Variants in MALRD1 observed in about 807,000 individuals in gnomAD.
The protein encoded by MALRD1 is MAM and LDL-receptor class A domain-containing protein 1.
Under a neutral mutation model 242.1 loss-of-function variants are expected in MALRD1, and 247 were observed. The ratio of observed to expected loss-of-function variants is 1.02; its 90% CI spans 0.92 to 1.13. The LOEUF (loss-of-function observed/expected upper bound fraction) is 1.13, where lower values mean the gene tolerates loss of function less well. Ranked by LOEUF, MALRD1 falls within the 50% of genes most tolerant of loss-of-function variation. The pLI is 0.00. For synonymous variants in MALRD1, 995 were observed against 866.6 expected, an observed-to-expected ratio of 1.15 and a Z score of -2.60; for missense variants, 2,989 against 2,533.1, an observed-to-expected ratio of 1.18 and a Z score of -3.86.
chr10:19,516,581 GATTTTTTC>G (rs1833635855), intron 31 of MALRD1, among the ~76,000 whole-genome samples: 1 of 151,938 alleles, frequency 6.6e-6, no homozygotes, highest in Admixed American at 6.6e-5. Flanking sequence ...AAACTTTTAA[GATTTTTTC>G]ATTTGTTCAA....
intron 36 of MALRD1, among the ~76,000 whole-genome samples, chr10:19,659,072 T>C (rs936494852): frequency 7.2e-5 from 11 of 152,220 alleles, no homozygotes; most frequent in Non-Finnish European, 1.3e-4. Flanking sequence ...CTTTTTGCTC[T>C]TTAGCCATCA....
At chr10:19,194,167 C>A (rs558759397) in intron 14 of MALRD1, among the ~76,000 whole-genome samples, 1 of 152,068 alleles carries the variant, frequency 6.6e-6, no homozygotes, top group African/African-American at 2.4e-5. Context: ...TACAATTTCA[C>A]GTTTCAAACG....
rs944300795 is a variant in MALRD1, at chr10:19,638,142, C to T, written c.6137+22219C>T. On this transcript the variant is annotated intron_variant, in intron 36 of 39. Transcript: ENST00000454679. Reference sequence around the variant, plus strand: ...AAAAAAAAAAAATAGAATTCGGTACCCATGGCAAAACTATCCATGCTAATT... The same window carrying T: ...AAAAAAAAAAAATAGAATTCGGTACTCATGGCAAAACTATCCATGCTAATT... Among the ~76,000 whole-genome samples the T allele has an allele frequency of 5.4e-5, 8 of 149,370 alleles. No individual in the cohort carries two copies. The South Asian group carries it at 1.1e-3, about 20-fold the overall frequency.
intron 8 of MALRD1, among the ~76,000 whole-genome samples, chr10:19,129,445 A>G (rs1837384055): frequency 6.6e-6 from 1 of 152,124 alleles, no homozygotes; most frequent in Non-Finnish European, 1.5e-5. Flanking sequence ...TCTAGGAACC[A>G]AAATGCGTTC....
intron 29 of MALRD1, 92 bp downstream of exon 29, chr10:19,450,582 T>C (rs1835268574): frequency 1.7e-6 from 2 of 1,147,644 alleles, no homozygotes; most frequent in South Asian, 1.6e-5. Context: ...TTTACTGTTA[T>C]GTATTTTGTA....
chr10:19,435,511 G>C (rs1459786735), intron 28 of MALRD1, among the ~76,000 whole-genome samples: 1 of 151,930 alleles, frequency 6.6e-6, no homozygotes, highest in African/African-American at 2.4e-5. Context: ...GAGTTTTAAG[G>C]CATACTGATC....
intron 36 of MALRD1, among the ~76,000 whole-genome samples, chr10:19,617,561 T>C (rs963422389): frequency 1.3e-5 from 2 of 152,036 alleles, no homozygotes; most frequent in Non-Finnish European, 2.9e-5. Flanking sequence ...TAAAATTACG[T>C]ACTAAAAAAG....
At chr10:19,498,785 T>C in intron 31 of MALRD1, 139 bp downstream of exon 31, 1 of 1,014,294 alleles carries the variant, frequency 9.9e-7, no homozygotes, top group Non-Finnish European at 1.4e-6. Context: ...AGAGGGCTAG[T>C]CTCTTCTATT....
chr10:19,199,966 A>T (rs1235567104), intron 14 of MALRD1, among the ~76,000 whole-genome samples: 1 of 151,820 alleles, frequency 6.6e-6, no homozygotes, highest in Non-Finnish European at 1.5e-5. Flanking sequence ...TCTCAACAAA[A>T]TTTTTTAAAA....
intron 14 of MALRD1, among the ~76,000 whole-genome samples, chr10:19,200,619 T>C (rs76156132): frequency 0.062 from 9,312 of 149,188 alleles, 325 homozygotes; most frequent in African/African-American, 0.088. Context: ...GATTCTGGGC[T>C]TTTTTTTTCT....
chr10:19,567,579 T>G lies in MALRD1; in HGVS notation c.5556T>G (p.Tyr1852Ter), dbSNP rs966289968. Reference protein sequence around the residue: ...VIGNKRTGWTYGSVPLSSNSP... With the variant: ...VIGNKRTGWT ...GAAATAAAAGAACGGGATGGACATA[T>G]GGCTCTGTGCCTCTCTCCAGTAACA... The change falls in exon 33 of 40, where the codon TAT (tyrosine) becomes TAG (stop). Residue 1852 changes from tyrosine to a stop codon, truncating the protein, a stop_gained. Coordinates refer to ENST00000454679, the MANE Select transcript of MALRD1 (RefSeq NM_001142308.3). LOFTEE classifies it high-confidence loss of function. The G allele has an allele frequency of 8.4e-6, 13 of 1,550,560 alleles. No homozygotes were observed. The highest frequency in any genetic ancestry group is 1.1e-5 in the Non-Finnish European group (13 of 1,146,948).
Position 19,530,272 on chromosome 10 carries a change from T to G in MALRD1, c.5321-922T>G, listed in dbSNP as rs1484561751. 2.0e-5 allele frequency among the ~76,000 whole-genome samples: 3 copies of G among 147,558 alleles called. No homozygotes were observed. In the East Asian group the frequency reaches 5.8e-4, roughly 29 times the overall value. On this transcript the variant is annotated intron_variant, in intron 31 of 39. Coordinates refer to ENST00000454679, the MANE Select transcript of MALRD1 (RefSeq NM_001142308.3). ...TAAAATTGCTCTAAAAAATTGTGTA[T>G]TCATTTTTGTCATCTATATTTTGAA... is the stretch of plus-strand genomic sequence containing the variant.
At chr10:19,539,897 T>TGTGTGTGTGTGTGCGC (rs1365113182) in intron 32 of MALRD1, among the ~76,000 whole-genome samples, 8 of 44,432 alleles carry the variant, frequency 1.8e-4, no homozygotes, top group East Asian at 7.8e-4. Context: ...TGTGTGTGTG[T>TGTGTGTGTGTGTGCGC]GCGCGCGCGC....
intron 38 of MALRD1, among the ~76,000 whole-genome samples, chr10:19,715,828 G>A (rs1262270435): frequency 6.6e-6 from 1 of 152,082 alleles, no homozygotes; most frequent in Non-Finnish European, 1.5e-5. Context: ...AGAGGGAGGA[G>A]GTGCCATGCT....
intron 14 of MALRD1, among the ~76,000 whole-genome samples, chr10:19,192,417 G>A (rs1203822162): frequency 6.6e-6 from 1 of 152,190 alleles, no homozygotes; most frequent in African/African-American, 2.4e-5. Context: ...ATATACCACT[G>A]CTGGTTTAAA....
In MALRD1 at chr10:19,149,077, CATCTATCTATCT is replaced by C. The variant is rs10657245; in HGVS notation, c.1558+2771_1558+2782del. On this transcript the variant is annotated intron_variant, in intron 11 of 39. Transcript: ENST00000454679. ...CAGCTTTTAAATCTGTCTATCTGTC[CATCTATCTATCT>C]ATCTATCTATCTATCTATCTATCTA... 1.2e-3 allele frequency among the ~76,000 whole-genome samples: 168 copies of C among 144,032 alleles called. 1 individual carries two copies. Among genetic ancestry groups the C allele is most frequent in the South Asian group, 2.3e-3 (10 of 4,340 alleles). The allele number at this position is 144,032 out of a possible 152,430, so 94.5% of individuals were successfully genotyped here.
At chr10:19,651,952 C>G (rs573105182) in intron 36 of MALRD1, among the ~76,000 whole-genome samples, 6 of 152,176 alleles carry the variant, frequency 3.9e-5, no homozygotes, top group African/African-American at 1.4e-4. Context: ...AAGCCAGGCA[C>G]AAGGGCCAAA....
chr10:19,724,822 C>G (rs57516294), intron 38 of MALRD1: 4 of 152,094 alleles, frequency 2.6e-5, no homozygotes, highest in African/African-American at 9.7e-5. Context: ...TATATATAAG[C>G]AATCTCAAAG....
chr10:19,113,820 CACACACACACAG>C (rs1339320519), intron 5 of MALRD1, among the ~76,000 whole-genome samples: 12 of 98,942 alleles, frequency 1.2e-4, no homozygotes, highest in South Asian at 3.5e-4. Flanking sequence ...CACACACACA[CACACACACACAG>C]ACACACACAC....
Sources: gnomAD v4.1 joint callset for allele counts (sites outside exome capture counted in the v4.1 genomes callset) on GRCh38, gnomAD v4.1.1 for gene constraint, MANE v1.5 for transcripts, NCBI Gene and HGNC (gene_info 2026-07-23, HGNC 2026-07-21) for gene names.